Variants in XPO7 observed in about 807,000 individuals in gnomAD.
The protein encoded by XPO7 is exportin-7.
Under a neutral mutation model 144.3 loss-of-function variants are expected in XPO7, and 21 were observed. The observed-to-expected ratio is 0.15, with a 90% CI of 0.10 to 0.21. The LOEUF (loss-of-function observed/expected upper bound fraction) is 0.21, where lower values mean the gene tolerates loss of function less well. Ranked by LOEUF, XPO7 falls within the 10% of genes least tolerant of loss-of-function variation. The pLI, the probability that XPO7 is intolerant of heterozygous loss-of-function variation, is 1.00. For synonymous variants in XPO7, 580 were observed against 499.6 expected (o/e 1.16, Z -2.15); for missense variants, 808 against 1,325.8 (o/e 0.61, Z 6.06).
intron 9 of XPO7, among the ~76,000 whole-genome samples, chr8:21,981,159 T>A (rs11780532): frequency 0.58 from 88,584 of 152,044 alleles, 26,465 homozygotes; most frequent in African/African-American, 0.73. Flanking sequence ...ATCAGGAAAC[T>A]TACAATTAAA....
Position 22,002,261 on chromosome 8 carries a change from A to G in XPO7, c.2932A>G (p.Met978Val). 1 of 1,612,660 alleles carries G rather than the reference A, an allele frequency of 6.2e-7. No individual in the cohort carries two copies. The highest frequency in any genetic ancestry group is 8.5e-7 in the Non-Finnish European group (1 of 1,179,402). Residue 978 changes from methionine to valine, a missense_variant, in exon 25 of 28, where the codon ATG (methionine) becomes GTG (valine). This residue lies in a region of XPO7 where 140 missense variants were observed against 237.9 expected (regional missense o/e 0.59). Coordinates refer to ENST00000252512, the MANE Select transcript of XPO7 (RefSeq NM_015024.5). ...FLHIMQQHPE[M>V]IQQMLSTVLN... Reference sequence around the variant, plus strand: ...GCACATCATGCAGCAGCATCCAGAGATGATCCAGCAGGTAAGAAAGTGGAG... The same window carrying G: ...GCACATCATGCAGCAGCATCCAGAGGTGATCCAGCAGGTAAGAAAGTGGAG...
chr8:21,969,415 C>T (rs977768439), intron 2 of XPO7, 68 bp from the exon 3 acceptor site: 2 of 1,362,922 alleles, frequency 1.5e-6, no homozygotes, highest in African/African-American at 1.4e-5. Context: ...CAGAGATCTC[C>T]AAGTTAAAAA....
intron 1 of XPO7, among the ~76,000 whole-genome samples, chr8:21,963,798 T>C (rs1363448168): frequency 6.6e-6 from 1 of 152,154 alleles, no homozygotes; most frequent in African/African-American, 2.4e-5. Context: ...TAACATCTAA[T>C]GTACCAACAA....
chr8:21,991,627 C>T, intron 18 of XPO7: 1 of 381,620 alleles, frequency 2.6e-6, no homozygotes, highest in East Asian at 4.8e-5. Context: ...TCTCTTGATA[C>T]TGTGGCTCAG....
In XPO7 at chr8:22,006,225, A is replaced by G. The variant is rs972267520; in HGVS notation, c.*1137A>G. 1 of 152,214 alleles carries G rather than the reference A, an allele frequency of 6.6e-6. No individual in the cohort carries two copies. Among genetic ancestry groups the G allele is most frequent in the Non-Finnish European group, 1.5e-5 (1 of 68,040 alleles). The allele number at this position is 152,214 out of a possible 1,614,324, so 9.4% of individuals were successfully genotyped here. On this transcript the variant is annotated 3_prime_UTR_variant, in exon 28 of 28. Coordinates refer to ENST00000252512, the MANE Select transcript of XPO7 (RefSeq NM_015024.5). ...TTAACATTCTCCCATCCCTTAAAAA[A>G]TATACATTTTTATAAAATGAAAACC...
At chr8:21,961,514 C>T (rs1811725245) in intron 1 of XPO7, among the ~76,000 whole-genome samples, 1 of 152,162 alleles carries the variant, frequency 6.6e-6, no homozygotes, top group Non-Finnish European at 1.5e-5. Flanking sequence ...CTGTGCACAG[C>T]CTCCATATGT....
chr8:21,930,990 G>A (rs1003232847), intron 1 of XPO7, among the ~76,000 whole-genome samples: 8 of 151,714 alleles, frequency 5.3e-5, no homozygotes, highest in East Asian at 1.9e-4. Flanking sequence ...CTACAGGCAC[G>A]CACCACCATG....
intron 20 of XPO7, among the ~76,000 whole-genome samples, 163 bp from the exon 21 acceptor site, chr8:21,995,329 C>T (rs1024309154): frequency 5.9e-5 from 9 of 152,168 alleles, no homozygotes; most frequent in Admixed American, 1.3e-4. Flanking sequence ...CACAAAATCA[C>T]TTTAGTATCT....
At chr8:21,959,074 A>G (rs1811636196) in intron 1 of XPO7, among the ~76,000 whole-genome samples, 1 of 152,192 alleles carries the variant, frequency 6.6e-6, no homozygotes, top group Non-Finnish European at 1.5e-5. Context: ...GAATGACTGC[A>G]GAAGCACCCT....
At chr8:21,973,194 C>G (rs1298718319) in intron 5 of XPO7, among the ~76,000 whole-genome samples, 1 of 152,182 alleles carries the variant, frequency 6.6e-6, no homozygotes, top group African/African-American at 2.4e-5. Context: ...TTTAACCACT[C>G]TTATCTTTGC....
In XPO7 at chr8:21,966,889, G is replaced by A; in HGVS notation, c.51G>A (p.Gln17=). ...SLAQLENLCK[Q]LYETTDTTTR... Reference sequence around the variant, plus strand: ...CCCAACTAGAGAATCTGTGCAAACAGCTGTATGAAACCACAGACACAACCA... The same window carrying A: ...CCCAACTAGAGAATCTGTGCAAACAACTGTATGAAACCACAGACACAACCA... Residue 17 remains glutamine, a synonymous_variant, in exon 2 of 28, where the codon CAG becomes CAA. Coordinates refer to ENST00000252512, the MANE Select transcript of XPO7 (RefSeq NM_015024.5). 6.2e-7 allele frequency: 1 copy of A among 1,613,862 alleles called. No homozygotes were observed. The highest frequency in any genetic ancestry group is 8.5e-7 in the Non-Finnish European group (1 of 1,179,812).
In XPO7 at chr8:21,987,770, CTTCTT is replaced by C. The variant is rs1812629305; in HGVS notation, c.1714-13_1714-9del. The C allele has an allele frequency of 6.2e-7, 1 of 1,613,680 alleles. No individual in the cohort carries two copies. Among genetic ancestry groups the C allele is most frequent in the Non-Finnish European group, 8.5e-7 (1 of 1,179,664 alleles). On this transcript the variant is annotated splice_polypyrimidine_tract_variant and intron_variant, in intron 14 of 27. Transcript: ENST00000252512. The stretch of plus-strand genomic sequence containing the variant: ...AATTCATGTGTTCTGGTTACTTTCT[CTTCTT>C]AACACCAGCTGTACCGCCGACTCTC...
chr8:22,002,890 C>T, intron 25 of XPO7: 1 of 199,962 alleles, frequency 5.0e-6, no homozygotes, highest in East Asian at 1.4e-4. Context: ...ACTCCGAGTA[C>T]CTGGAAGGGA....
At chr8:21,998,329 T>G (rs1813021825) in intron 21 of XPO7, among the ~76,000 whole-genome samples, 1 of 152,096 alleles carries the variant, frequency 6.6e-6, no homozygotes, top group African/African-American at 2.4e-5. Flanking sequence ...TAGTCCCAGC[T>G]ACTTGGGAGG....
At chr8:21,927,539 T>G (rs1476877775) in intron 1 of XPO7, among the ~76,000 whole-genome samples, 3 of 88,254 alleles carry the variant, frequency 3.4e-5, no homozygotes, top group Non-Finnish European at 6.3e-5. Context: ...AAAACCAACC[T>G]TTTTTTTTTT....
Position 21,990,919 on chromosome 8 carries a change from G to C in XPO7, c.2041G>C (p.Gly681Arg). 1 of 1,613,584 alleles carries C rather than the reference G, an allele frequency of 6.2e-7. No homozygotes were observed. The highest frequency in any genetic ancestry group is 8.5e-7 in the Non-Finnish European group (1 of 1,179,620). Residue 681 changes from glycine to arginine, a missense_variant and splice_region_variant, in exon 18 of 28, where the codon GGA becomes CGA. Transcript: ENST00000252512. Reference sequence around the variant, plus strand: ...TGGGCGTCTCCTCATGGTGGATTTAGGTACCGTAAGAAATCGTAGTGGCTC... The same window carrying C: ...TGGGCGTCTCCTCATGGTGGATTTACGTACCGTAAGAAATCGTAGTGGCTC... ...ALGRLLMVDL[G>R]EDEDQYEQFM...
intron 1 of XPO7, among the ~76,000 whole-genome samples, chr8:21,944,651 C>G (rs779595451): frequency 6.6e-6 from 1 of 151,868 alleles, no homozygotes. Context: ...GGATGTTTCT[C>G]GGAGAGGGGG....
intron 1 of XPO7, among the ~76,000 whole-genome samples, chr8:21,956,855 T>C (rs1811552997): frequency 6.6e-6 from 1 of 152,184 alleles, no homozygotes; most frequent in Admixed American, 6.5e-5. Context: ...TTTTACTTGT[T>C]CCAGATTGCT....
chr8:21,995,424 C>A, intron 20 of XPO7, 68 bp from the exon 21 acceptor site: 1 of 1,416,408 alleles, frequency 7.1e-7, no homozygotes. Flanking sequence ...TTGGCTAGTG[C>A]TGAAAAACTA....
Sources: allele counts gnomAD v4.1 joint callset (sites outside exome capture counted in the v4.1 genomes callset), GRCh38; gene constraint gnomAD v4.1.1; regional missense constraint gnomAD v4.1.1; transcripts MANE v1.5; gene names NCBI Gene and HGNC (gene_info 2026-07-23, HGNC 2026-07-21).